PRSS3: variants seen among roughly 807,000 people sequenced by gnomAD.
PRSS3 encodes trypsin-3.
Under a neutral mutation model 20.8 loss-of-function variants are expected in PRSS3, and 14 were observed. That is an observed-to-expected ratio of 0.67 (90% confidence interval 0.44 to 1.05). The LOEUF (loss-of-function observed/expected upper bound fraction) is 1.05. PRSS3 is among the 50% of genes least tolerant of loss of function. The probability of loss-of-function intolerance (pLI) is 0.00; values close to 1 mark genes in which losing one functional copy is unlikely to be tolerated. For synonymous variants in PRSS3, 91 were observed against 117.6 expected (o/e 0.77, Z 1.46); for missense variants, 237 against 306.4 (o/e 0.77, Z 1.69).
intron 1 of PRSS3, among the ~76,000 whole-genome samples, chr9:33,751,146 G>A (rs1418892564): frequency 3.3e-5 from 5 of 152,196 alleles, no homozygotes. Context: ...CCGTGAGTCC[G>A]GGAACGCGCG....
intron 1 of PRSS3, among the ~76,000 whole-genome samples, chr9:33,752,234 G>A (rs1256588557): frequency 2.0e-5 from 3 of 152,144 alleles, no homozygotes; most frequent in Non-Finnish European, 2.9e-5. Context: ...TGGCCGAGGC[G>A]AAGTTATTGA....
intron 1 of PRSS3, among the ~76,000 whole-genome samples, chr9:33,773,897 TC>T (rs1823810457): frequency 6.6e-6 from 1 of 152,116 alleles, no homozygotes; most frequent in South Asian, 2.1e-4. Context: ...ACCTCAGCCT[TC>T]CAAAGTGCTG....
intron 1 of PRSS3, among the ~76,000 whole-genome samples, chr9:33,754,708 A>G (rs1359362287): frequency 1.3e-5 from 2 of 152,028 alleles, no homozygotes; most frequent in Non-Finnish European, 2.9e-5. Flanking sequence ...GCAGGTGCCT[A>G]TAGTCCCAGC....
intron 1 of PRSS3, among the ~76,000 whole-genome samples, chr9:33,764,082 A>G (rs1175043981): frequency 6.6e-6 from 1 of 152,244 alleles, no homozygotes; most frequent in Middle Eastern, 3.2e-3. Context: ...TAAAGAGTTG[A>G]TGAAATCTAC....
At chr9:33,761,743 G>T (rs1823217630) in intron 1 of PRSS3, among the ~76,000 whole-genome samples, 1 of 152,070 alleles carries the variant, frequency 6.6e-6, no homozygotes, top group African/African-American at 2.4e-5. Context: ...GCCAAGCGTG[G>T]TGGTGCACAC....
intron 1 of PRSS3, among the ~76,000 whole-genome samples, chr9:33,769,436 C>T (rs766920983): frequency 6.6e-6 from 1 of 152,114 alleles, no homozygotes; most frequent in Non-Finnish European, 1.5e-5. Flanking sequence ...CAAATGGCCT[C>T]GCCCCCTATG....
At chr9:33,792,114 A>G (rs1824658186), upstream of PRSS3, among the ~76,000 whole-genome samples, 1 of 152,236 alleles carries the variant, frequency 6.6e-6, no homozygotes, top group Non-Finnish European at 1.5e-5. Flanking sequence ...AGATAGTAAC[A>G]AAAACAATTC....
chr9:33,767,186 G>A (rs1267092890), intron 1 of PRSS3, among the ~76,000 whole-genome samples: 2 of 152,160 alleles, frequency 1.3e-5, no homozygotes, highest in Non-Finnish European at 2.9e-5. Context: ...CAGGCCTGGT[G>A]GCTCACACCT....
Position 33,775,237 on chromosome 9 carries a change from G to A in PRSS3, c.-52-19509G>A, listed in dbSNP as rs1194611710. On this transcript the variant is annotated intron_variant, in intron 1 of 5. Transcript: ENST00000342836. ...CAAGTAGGAGATTGTGGCTTTTTCT[G>A]CCTGTGGCTGCTCCCGTCACCCCCC... Among the ~76,000 whole-genome samples, 3 of 152,058 alleles carry A rather than the reference G, an allele frequency of 2.0e-5. No homozygotes were observed. In the East Asian group the frequency reaches 5.8e-4, roughly 29 times the overall value.
chr9:33,775,780 G>A (rs10971698), intron 1 of PRSS3, among the ~76,000 whole-genome samples: 34,535 of 146,672 alleles, frequency 0.24, 4,592 homozygotes, highest in East Asian at 0.54. Context: ...TCAGTTCACT[G>A]CAACTTCCGC....
At chr9:33,753,828 AGTTT>A (rs1207370682) in intron 1 of PRSS3, among the ~76,000 whole-genome samples, 1 of 152,168 alleles carries the variant, frequency 6.6e-6, no homozygotes, top group Non-Finnish European at 1.5e-5. Context: ...ACAAGTAAGG[AGTTT>A]GTTTTTCTCA....
At chr9:33,785,160 ATTT>A (rs74180504) in intron 1 of PRSS3, among the ~76,000 whole-genome samples, 14 of 72,498 alleles carry the variant, frequency 1.9e-4, no homozygotes, top group East Asian at 5.1e-4. Context: ...ATTGTGGTCA[ATTT>A]TTTTTTTTTT....
At chr9:33,758,825 C>T (rs1312609114) in intron 1 of PRSS3, among the ~76,000 whole-genome samples, 2 of 152,200 alleles carry the variant, frequency 1.3e-5, no homozygotes, top group African/African-American at 4.8e-5. Flanking sequence ...TAAGGCTAAG[C>T]TCATCAGTTC....
chr9:33,795,495 T>G, upstream of PRSS3: 1 of 1,590,072 alleles, frequency 6.3e-7, no homozygotes, highest in Non-Finnish European at 8.6e-7. Flanking sequence ...GACCCTCACC[T>G]CACAGACACC....
chr9:33,790,192 GC>G (rs1453382565), intron 1 of PRSS3, among the ~76,000 whole-genome samples: 1 of 152,048 alleles, frequency 6.6e-6, no homozygotes, highest in Non-Finnish European at 1.5e-5. Context: ...TATAAAATAT[GC>G]ATATTATCAA....
intron 1 of PRSS3, among the ~76,000 whole-genome samples, chr9:33,778,979 A>AT (rs1274434387): frequency 2.0e-5 from 3 of 152,200 alleles, no homozygotes; most frequent in Non-Finnish European, 4.4e-5. Flanking sequence ...TAAAATTATC[A>AT]TGCTAATTAT....
Position 33,750,816 on chromosome 9 carries a change from GA to G in PRSS3, c.-53+90del, listed in dbSNP as rs1822655076. On this transcript the variant is annotated intron_variant, in intron 1 of 5. Transcript: ENST00000342836. The surrounding 1 kb of genome is among the most constrained non-coding windows in gnomAD (Gnocchi z 4.8). The stretch of plus-strand genomic sequence containing the variant: ...CGCCAAGGAGCGGGGCTGTGATGGA[GA>G]GGGGGTTCCGACTCGCATGGGACCT... 2.9e-6 allele frequency: 4 copies of G among 1,401,430 alleles called. No individual in the cohort carries two copies. In the African/African-American group the frequency reaches 6.1e-5, roughly 21 times the overall value. The allele number at this position is 1,401,430 out of a possible 1,614,324, so 86.8% of individuals were successfully genotyped here.
chr9:33,798,493 C>T lies in PRSS3; in HGVS notation c.462C>T (p.Tyr154=), dbSNP rs200520621. 6.2e-7 allele frequency: 1 copy of T among 1,610,848 alleles called. No homozygotes were observed. The highest frequency in any genetic ancestry group is 1.4e-5 in the African/African-American group (1 of 73,912). Residue 154 remains tyrosine, a synonymous_variant, in exon 4 of 5, where the codon TAC becomes TAT. Coordinates refer to ENST00000379405, the MANE Select transcript of PRSS3 (RefSeq NM_002771.4). ...TCTTCCTGATCCTCACAGCTGACTA[C>T]CCAGACGAGCTGAAGTGCCTGGATG... ...WGNTLSFGAD[Y]PDELKCLDAP... is the part of the protein sequence containing the mutation.
At chr9:33,767,213 G>A (rs1823473270) in intron 1 of PRSS3, among the ~76,000 whole-genome samples, 1 of 152,106 alleles carries the variant, frequency 6.6e-6, no homozygotes, top group Non-Finnish European at 1.5e-5. Flanking sequence ...CCAGCAATTT[G>A]GGAGGCCCAG....
Sources: allele counts gnomAD v4.1 joint callset (sites outside exome capture counted in the v4.1 genomes callset), GRCh38; gene constraint gnomAD v4.1.1; non-coding constraint Gnocchi (gnomAD v3.1); transcripts MANE v1.5; gene names NCBI Gene and HGNC (gene_info 2026-07-23, HGNC 2026-07-21).